The following TACC1 variants were observed in gnomAD, a reference collection of about 807,000 sequenced individuals.
The protein encoded by TACC1 is transforming acidic coiled-coil-containing protein 1.
A neutral mutation model predicts 84.4 loss-of-function variants in TACC1; 48 were observed. The observed-to-expected ratio is 0.57, with a 90% CI of 0.45 to 0.72. TACC1 has a LOEUF of 0.72. TACC1 is among the 30% of genes least tolerant of loss of function. The probability of loss-of-function intolerance (pLI) is 0.00; values close to 1 mark genes in which losing one functional copy is unlikely to be tolerated. For synonymous variants in TACC1, 372 were observed against 376.3 expected, an observed-to-expected ratio of 0.99 and a Z score of 0.13; for missense variants, 920 against 973.0, an observed-to-expected ratio of 0.95 and a Z score of 0.72.
chr8:38,802,565 A>G (rs1018861411), intron 2 of TACC1, among the ~76,000 whole-genome samples: 2 of 152,186 alleles, frequency 1.3e-5, no homozygotes, highest in African/African-American at 2.4e-5. Context: ...CCCTGGTGCC[A>G]AAAAGGTTGG....
At chr8:38,754,465 C>G (rs1809637043) in intron 3 of TACC1, among the ~76,000 whole-genome samples, 1 of 152,224 alleles carries the variant, frequency 6.6e-6, no homozygotes, top group African/African-American at 2.4e-5. Flanking sequence ...GAGCGTTCCT[C>G]TGAAGGGAAC....
At chr8:38,755,934 C>A (rs1317132620) in intron 3 of TACC1, among the ~76,000 whole-genome samples, 2 of 151,816 alleles carry the variant, frequency 1.3e-5, no homozygotes, top group African/African-American at 4.8e-5. Flanking sequence ...CCTGCCTCAG[C>A]CTCCTAAGTA....
chr8:38,838,923 G>T (rs1003246848), intron 8 of TACC1, among the ~76,000 whole-genome samples: 2 of 151,566 alleles, frequency 1.3e-5, no homozygotes. Context: ...TTGAGGCAGG[G>T]TCTCACTCTG....
chr8:38,782,355 A>G (rs1048811369), upstream of TACC1, among the ~76,000 whole-genome samples: 1 of 152,018 alleles, frequency 6.6e-6, no homozygotes, highest in African/African-American at 2.4e-5. Flanking sequence ...TGAACTCATC[A>G]TTTTTTATGG....
At chr8:38,759,691 T>A (rs1810826071) in intron 3 of TACC1, among the ~76,000 whole-genome samples, 1 of 152,186 alleles carries the variant, frequency 6.6e-6, no homozygotes. Flanking sequence ...CATAAACACA[T>A]GCAGTCAGTA....
At chr8:38,795,697 C>T (rs1265171322) in intron 2 of TACC1, among the ~76,000 whole-genome samples, 4 of 152,288 alleles carry the variant, frequency 2.6e-5, no homozygotes, top group South Asian at 2.1e-4. Flanking sequence ...CCAAAACAAC[C>T]CTCTCAGTGG....
At chr8:38,749,833 A>C (rs1808721154) in intron 3 of TACC1, among the ~76,000 whole-genome samples, 1 of 151,956 alleles carries the variant, frequency 6.6e-6, no homozygotes, top group South Asian at 2.1e-4. Flanking sequence ...CTCATGATCC[A>C]CCCACCTCAG....
chr8:38,747,274 C>T (rs959377980), intron 3 of TACC1, among the ~76,000 whole-genome samples: 2 of 152,134 alleles, frequency 1.3e-5, no homozygotes, highest in African/African-American at 4.8e-5. Flanking sequence ...ATGGTTTGGC[C>T]ACTTTGAAAG....
At chr8:38,803,842 G>T (rs1279517561) in intron 2 of TACC1, among the ~76,000 whole-genome samples, 1 of 152,096 alleles carries the variant, frequency 6.6e-6, no homozygotes, top group Non-Finnish European at 1.5e-5. Context: ...CAAGCAATTG[G>T]TATTAATTCT....
At chr8:38,770,746 A>C (rs964821878) in intron 3 of TACC1, among the ~76,000 whole-genome samples, 4 of 152,058 alleles carry the variant, frequency 2.6e-5, no homozygotes, top group African/African-American at 9.7e-5. Flanking sequence ...CTTCTTTCTT[A>C]AGGGAGAAAA....
intron 2 of TACC1, among the ~76,000 whole-genome samples, chr8:38,802,940 T>C (rs1243740828): frequency 5.9e-5 from 9 of 152,224 alleles, no homozygotes; most frequent in Admixed American, 5.9e-4. Context: ...ACACTGGGAA[T>C]CAAATTTTAA....
chr8:38,790,098 G>T lies in TACC1; in HGVS notation c.277+1279G>T, dbSNP rs1044927823. ...TTGGCAGGGCCTTGCTCTTCTGAAGGCTCCAGGAAGTCTGTCCTTGCCTCT... is the reference window on the plus strand; with the variant it reads ...TTGGCAGGGCCTTGCTCTTCTGAAGTCTCCAGGAAGTCTGTCCTTGCCTCT... On this transcript the variant is annotated intron_variant, in intron 2 of 12. Coordinates refer to ENST00000317827, the MANE Select transcript of TACC1 (RefSeq NM_006283.3). Among the ~76,000 whole-genome samples the T allele has an allele frequency of 1.1e-4, 17 of 152,314 alleles. 1 individual carries two copies. In the Middle Eastern group the frequency reaches 0.01, roughly 91 times the overall value.
upstream of TACC1, among the ~76,000 whole-genome samples, chr8:38,784,002 C>T (rs1001920261): frequency 2.6e-5 from 4 of 152,204 alleles, no homozygotes; most frequent in South Asian, 8.3e-4. Flanking sequence ...ATCATCATGC[C>T]CTTGCCTGGT....
rs759944902 is a variant in TACC1, at chr8:38,820,054, G to A, written c.810G>A (p.Glu270=). The A allele has an allele frequency of 1.9e-5, 30 of 1,614,046 alleles. No homozygotes were observed. The highest frequency in any genetic ancestry group is 2.5e-5 in the Non-Finnish European group (29 of 1,180,060). ...CATCCTATCACTTCAGTCCTGAAGA[G>A]TTGGATGAGAACACAAGTCCTTTGC... ...PKASYHFSPE[E]LDENTSPLLG... Residue 270 remains glutamate, a synonymous_variant, in exon 3 of 13, where the codon GAG becomes GAA. Transcript: ENST00000317827.
chr8:38,829,124 C>G (rs1434045823), intron 5 of TACC1, among the ~76,000 whole-genome samples: 2 of 152,174 alleles, frequency 1.3e-5, no homozygotes, highest in Non-Finnish European at 2.9e-5. Context: ...GAACCATGTT[C>G]CTGACTACAT....
rs754786024 is a variant in TACC1, at chr8:38,820,021, C to T, written c.777C>T (p.Leu259=). 2 of 1,614,034 alleles carry T rather than the reference C, an allele frequency of 1.2e-6. No individual in the cohort carries two copies. The highest frequency in any genetic ancestry group is 1.7e-6 in the Non-Finnish European group (2 of 1,180,042). ...DTNAAVEGTP[L]PKASYHFSPE... ...ACGCTGCTGTGGAGGGCACACCTCT[C>T]CCCAAGGCATCCTATCACTTCAGTC... The change falls in exon 3 of 13, where the codon CTC becomes CTT. Residue 259 remains leucine (L), a synonymous_variant. Transcript: ENST00000317827.
chr8:38,750,096 C>G (rs1808765107), intron 3 of TACC1, among the ~76,000 whole-genome samples: 1 of 151,980 alleles, frequency 6.6e-6, no homozygotes, highest in African/African-American at 2.4e-5. Flanking sequence ...TTGTTGGAGA[C>G]CAGGAGTTCA....
chr8:38,794,756 A>G (rs1385333060), intron 2 of TACC1, among the ~76,000 whole-genome samples: 1 of 152,212 alleles, frequency 6.6e-6, no homozygotes. Context: ...TTAGTTTAAC[A>G]TCCTTTCCCT....
At chr8:38,734,056 G>A (rs1805491006) in intron 1 of TACC1, among the ~76,000 whole-genome samples, 2 of 152,136 alleles carry the variant, frequency 1.3e-5, no homozygotes, top group South Asian at 2.1e-4. Context: ...GGGAAAGGAA[G>A]GGAAACCTGT....
Sources: gnomAD v4.1 joint callset for allele counts (sites outside exome capture counted in the v4.1 genomes callset) on GRCh38, gnomAD v4.1.1 for gene constraint, MANE v1.5 for transcripts, NCBI Gene and HGNC (gene_info 2026-07-23, HGNC 2026-07-21) for gene names.